DAG1: variants seen among roughly 807,000 people sequenced by gnomAD.
The protein encoded by DAG1 is dystroglycan 1 (dystrophin-associated glycoprotein 1).
Under a neutral mutation model 46.1 loss-of-function variants are expected in DAG1, and 8 were observed. The observed-to-expected ratio is 0.17, with a 90% CI of 0.10 to 0.31. The LOEUF (loss-of-function observed/expected upper bound fraction) is 0.31. Ranked by LOEUF, DAG1 falls within the 10% of genes least tolerant of loss-of-function variation. The pLI is 1.00. For synonymous variants in DAG1, 495 were observed against 481.8 expected, an observed-to-expected ratio of 1.03 and a Z score of -0.36; for missense variants, 1,003 against 1,189.9, an observed-to-expected ratio of 0.84 and a Z score of 2.31.
At chr3:49,502,342 C>T (rs981197288) in intron 1 of DAG1, among the ~76,000 whole-genome samples, 1 of 152,228 alleles carries the variant, frequency 6.6e-6, no homozygotes, top group Non-Finnish European at 1.5e-5. Flanking sequence ...GCCCATAGGG[C>T]TCCTCCATCT....
rs116450833 is a variant in DAG1 at position 49,502,259 on chromosome 3, G to A, written c.-116-8160G>A. Among the ~76,000 whole-genome samples the A allele has an allele frequency of 6.9e-3, 1,054 of 152,366 alleles. 8 individuals are homozygous for A. Among genetic ancestry groups the A allele is most frequent in the African/African-American group, 0.024 (1,006 of 41,586 alleles). ...CCCTCACCAGAGTACTGGGACTGCT[G>A]GTTGTTGAGAAGGAGTTCCTGGTGG... On this transcript the variant is annotated intron_variant, in intron 1 of 2. Transcript: ENST00000308775.
At chr3:49,489,319 C>T (rs1456869255) in intron 1 of DAG1, among the ~76,000 whole-genome samples, 2 of 152,044 alleles carry the variant, frequency 1.3e-5, no homozygotes, top group Non-Finnish European at 2.9e-5. Context: ...CTCGAACTCC[C>T]GACCTCAGGT....
intron 1 of DAG1, chr3:49,476,890 A>G (rs991533252): frequency 6.6e-6 from 1 of 152,242 alleles, no homozygotes; most frequent in African/African-American, 2.4e-5. Context: ...AAAGCAGCCT[A>G]GCACTAGAAG....
chr3:49,517,292 C>T (rs1415601200), intron 2 of DAG1, among the ~76,000 whole-genome samples: 1 of 151,738 alleles, frequency 6.6e-6, no homozygotes, highest in Admixed American at 6.6e-5. Flanking sequence ...CGCACCCAGC[C>T]CCCAAGAGGC....
chr3:49,495,686 C>T (rs541157334), intron 1 of DAG1, among the ~76,000 whole-genome samples: 4 of 152,204 alleles, frequency 2.6e-5, no homozygotes, highest in African/African-American at 9.6e-5. Context: ...CTTTGGGAGG[C>T]TGAGGCGAGC....
chr3:49,522,821 G>T (rs1271019592), intron 2 of DAG1, among the ~76,000 whole-genome samples: 2 of 152,196 alleles, frequency 1.3e-5, no homozygotes, highest in Admixed American at 6.5e-5. Flanking sequence ...TGGCCTGTGA[G>T]CTACAGCCTG....
chr3:49,519,733 G>T (rs961869068), intron 2 of DAG1, among the ~76,000 whole-genome samples: 1 of 152,132 alleles, frequency 6.6e-6, no homozygotes, highest in African/African-American at 2.4e-5. Flanking sequence ...AGGCTTCTAT[G>T]TTTAAAAAAA....
chr3:49,500,244 C>G (rs2050411612), intron 1 of DAG1, among the ~76,000 whole-genome samples: 1 of 152,142 alleles, frequency 6.6e-6, no homozygotes, highest in Non-Finnish European at 1.5e-5. Context: ...AACTCCTGAC[C>G]TCGTGATCTG....
chr3:49,517,006 TTA>T lies in DAG1; in HGVS notation c.285+6188_285+6189del, dbSNP rs753802503. Among the ~76,000 whole-genome samples, 443 of 70,186 alleles carry T rather than the reference TTA, an allele frequency of 6.3e-3. 21 individuals carry two copies. Among genetic ancestry groups the T allele is most frequent in the Middle Eastern group, 0.013 (2 of 156 alleles). The allele number at this position is 70,186 out of a possible 152,430, so 46.0% of individuals were successfully genotyped here. Reference sequence around the variant, plus strand: ...AAGAGGCTTTTTTTTTTTTTTTTTTTTAATTGAGACGGAGTCTCGCTCTGTCG... The same window carrying T: ...AAGAGGCTTTTTTTTTTTTTTTTTTTATTGAGACGGAGTCTCGCTCTGTCG... On this transcript the variant is annotated intron_variant, in intron 2 of 2. Transcript: ENST00000308775.
intron 1 of DAG1, 190 bp from the exon 2 acceptor site, chr3:49,510,229 T>C: frequency 1.9e-6 from 1 of 522,028 alleles, no homozygotes. Flanking sequence ...TATTTTATAT[T>C]TAATGGATCA....
At chr3:49,517,444 G>A (rs1490270142) in intron 2 of DAG1, among the ~76,000 whole-genome samples, 10 of 152,098 alleles carry the variant, frequency 6.6e-5, no homozygotes, top group Admixed American at 4.6e-4. Flanking sequence ...GTCTGTTACC[G>A]TGCCTCTGAC....
intron 2 of DAG1, among the ~76,000 whole-genome samples, chr3:49,518,246 C>T (rs780065340): frequency 1.2e-4 from 19 of 152,166 alleles, no homozygotes; most frequent in Non-Finnish European, 2.5e-4. Flanking sequence ...GATTAGATGG[C>T]ATAGTTGTCA....
At chr3:49,528,771 A>G (rs774347987) in intron 2 of DAG1, among the ~76,000 whole-genome samples, 1 of 151,746 alleles carries the variant, frequency 6.6e-6, no homozygotes, top group Non-Finnish European at 1.5e-5. Context: ...GTGGTATCAC[A>G]AAAGAAACAC....
At chr3:49,479,470 C>T (rs1311606674) in intron 1 of DAG1, among the ~76,000 whole-genome samples, 2 of 151,234 alleles carry the variant, frequency 1.3e-5, no homozygotes, top group Admixed American at 6.6e-5. Flanking sequence ...CCACCACACC[C>T]AGCTAATTTT....
chr3:49,497,401 C>T (rs1272280676), intron 1 of DAG1, among the ~76,000 whole-genome samples: 1 of 147,048 alleles, frequency 6.8e-6, no homozygotes, highest in Non-Finnish European at 1.5e-5. Context: ...TGTGCTGATG[C>T]ACTCCAGCCT....
At chr3:49,492,204 C>T (rs536982986) in intron 1 of DAG1, among the ~76,000 whole-genome samples, 12 of 152,274 alleles carry the variant, frequency 7.9e-5, no homozygotes, top group Admixed American at 2.0e-4. Flanking sequence ...GGATTACAGG[C>T]GTGAGCCACC....
At chr3:49,476,828 T>C (rs1196885788) in intron 1 of DAG1, 1 of 152,074 alleles carries the variant, frequency 6.6e-6, no homozygotes, top group Non-Finnish European at 1.5e-5. Flanking sequence ...TCACCAATAT[T>C]GTTTCCTCCT....
upstream of DAG1, among the ~76,000 whole-genome samples, chr3:49,469,930 A>T (rs1406416058): frequency 1.3e-5 from 2 of 152,170 alleles, no homozygotes; most frequent in Non-Finnish European, 2.9e-5. Context: ...CCCCTCCCCC[A>T]CACTACTGGT....
At chr3:49,527,663 C>T (rs78827779) in intron 2 of DAG1, among the ~76,000 whole-genome samples, 1 of 151,894 alleles carries the variant, frequency 6.6e-6, no homozygotes, top group Admixed American at 6.6e-5. Context: ...AGATCACGCC[C>T]CTGCACTCCA....
Sources: allele counts gnomAD v4.1 joint callset (sites outside exome capture counted in the v4.1 genomes callset), GRCh38; gene constraint gnomAD v4.1.1; transcripts MANE v1.5; gene names NCBI Gene and HGNC (gene_info 2026-07-23, HGNC 2026-07-21).